Variants in CLSTN2 observed in about 807,000 individuals in gnomAD.
The protein encoded by CLSTN2 is calsyntenin 2.
CLSTN2 carries 48 observed loss-of-function variants against 101.2 expected under a neutral mutation model. The observed-to-expected ratio is 0.47, with a 90% CI of 0.38 to 0.60. The LOEUF (loss-of-function observed/expected upper bound fraction) is 0.60. Among genes scored for constraint, CLSTN2 ranks in the 20% least tolerant of loss-of-function variants. The probability of loss-of-function intolerance (pLI) is 0.00; values close to 1 mark genes in which losing one functional copy is unlikely to be tolerated. For missense variants in CLSTN2, 1,160 were observed against 1,238.2 expected (o/e 0.94, Z 0.95); for synonymous variants, 481 against 463.6 (o/e 1.04, Z -0.48).
intron 1 of CLSTN2, among the ~76,000 whole-genome samples, chr3:140,151,464 A>G (rs1259259949): frequency 1.3e-5 from 2 of 152,024 alleles, no homozygotes; most frequent in Middle Eastern, 6.3e-3. Flanking sequence ...AGAGATTGCA[A>G]AATGAACAGC....
At chr3:140,164,663 A>G (rs558118463) in intron 1 of CLSTN2, among the ~76,000 whole-genome samples, 10 of 152,318 alleles carry the variant, frequency 6.6e-5, no homozygotes, top group Non-Finnish European at 1.3e-4. Flanking sequence ...TGACTTGTGT[A>G]GAGACAACTT....
intron 1 of CLSTN2, among the ~76,000 whole-genome samples, chr3:139,955,769 G>T (rs1229948877): frequency 6.6e-6 from 1 of 152,158 alleles, no homozygotes; most frequent in African/African-American, 2.4e-5. Context: ...TAGCTACAGT[G>T]GTCTCTATGC....
intron 1 of CLSTN2, among the ~76,000 whole-genome samples, chr3:140,147,050 AAATGGATGGATG>A (rs1233408210): frequency 6.6e-6 from 1 of 152,358 alleles, no homozygotes; most frequent in South Asian, 2.1e-4. Flanking sequence ...GTGAATGAAT[AAATGGATGGATG>A]AATGGATGAG....
chr3:140,035,365 A>G (rs1267926957), intron 1 of CLSTN2, among the ~76,000 whole-genome samples: 1 of 152,264 alleles, frequency 6.6e-6, no homozygotes, highest in Non-Finnish European at 1.5e-5. Flanking sequence ...CACATAGGGC[A>G]GTAGGAAGTG....
chr3:140,257,561 G>T lies in CLSTN2; in HGVS notation c.232+81488G>T, dbSNP rs80229483. Among the ~76,000 whole-genome samples, 321 of 93,048 alleles carry T rather than the reference G, an allele frequency of 3.4e-3. 3 individuals are homozygous for T. Among genetic ancestry groups the T allele is most frequent in the African/African-American group, 8.1e-3 (165 of 20,296 alleles). The allele number at this position is 93,048 out of a possible 152,430, so 61.0% of individuals were successfully genotyped here. A position where few individuals can be genotyped will look rare whatever the true frequency, so the allele number is the denominator to read the frequency against. ...TATTCCCTGCCTATTTCTTTCTAGG[G>T]GTGTGTGTGTGTGTGTGTGTGTGTG... is the stretch of plus-strand genomic sequence containing the variant. On this transcript the variant is annotated intron_variant, in intron 2 of 16. Coordinates refer to ENST00000458420, the MANE Select transcript of CLSTN2 (RefSeq NM_022131.3).
intron 2 of CLSTN2, among the ~76,000 whole-genome samples, chr3:140,319,721 C>T (rs1034788015): frequency 4.6e-5 from 7 of 152,196 alleles, no homozygotes; most frequent in African/African-American, 1.7e-4. Context: ...GAGCATGTGC[C>T]TTAGCATGAC....
At chr3:140,502,403 C>T (rs1186300966) in intron 8 of CLSTN2, among the ~76,000 whole-genome samples, 1 of 152,176 alleles carries the variant, frequency 6.6e-6, no homozygotes, top group African/African-American at 2.4e-5. Flanking sequence ...TGAAGGCAAT[C>T]AGGAATTGAG....
intron 1 of CLSTN2, among the ~76,000 whole-genome samples, chr3:140,019,223 A>T (rs113620255): frequency 0.014 from 2,127 of 152,342 alleles, 49 homozygotes; most frequent in African/African-American, 0.044. Flanking sequence ...TGTGTCAAAC[A>T]TCATTTTGAA....
At chr3:139,983,928 T>A (rs1935979163) in intron 1 of CLSTN2, among the ~76,000 whole-genome samples, 1 of 152,240 alleles carries the variant, frequency 6.6e-6, no homozygotes, top group Non-Finnish European at 1.5e-5. Flanking sequence ...GGCTATATTA[T>A]TTCTTAATCA....
chr3:140,226,757 G>A (rs1192224991), intron 2 of CLSTN2, among the ~76,000 whole-genome samples: 1 of 152,182 alleles, frequency 6.6e-6, no homozygotes, highest in Non-Finnish European at 1.5e-5. Flanking sequence ...ACAGTTCCAT[G>A]TGGCTGGGGA....
chr3:140,416,010 G>C (rs2088427969), intron 4 of CLSTN2, among the ~76,000 whole-genome samples: 1 of 152,102 alleles, frequency 6.6e-6, no homozygotes. Context: ...ACATACAATG[G>C]AATATTACTC....
rs551260431 is a variant in CLSTN2 at position 140,574,271 on chromosome 3, C to G, written c.*8018C>G. On this transcript the variant is annotated 3_prime_UTR_variant, in exon 17 of 17. Coordinates refer to ENST00000458420, the MANE Select transcript of CLSTN2 (RefSeq NM_022131.3). ...TCGACGAGGGTGGAAGTGCAGTGAACAGAGGACAACATTTGTGATGCACGT... is the reference window on the plus strand; with the variant it reads ...TCGACGAGGGTGGAAGTGCAGTGAAGAGAGGACAACATTTGTGATGCACGT... 6.6e-6 allele frequency: 1 copy of G among 152,314 alleles called. No individual in the cohort carries two copies. The highest frequency in any genetic ancestry group is 1.9e-4 in the East Asian group (1 of 5,182). 9.4% of individuals were successfully genotyped at this position (152,314 alleles called of 1,614,324 possible).
rs1985370521 is a variant in CLSTN2, at chr3:140,568,358, TCA to T, written c.*2108_*2109del. 1 of 152,168 alleles carries T rather than the reference TCA, an allele frequency of 6.6e-6. No individual in the cohort carries two copies. The highest frequency in any genetic ancestry group is 6.5e-5 in the Admixed American group (1 of 15,286). 9.4% of individuals were successfully genotyped at this position (152,168 alleles called of 1,614,324 possible). ...AAGTCACAAGAGAAGAAGGATGCGG[TCA>T]CAAACTTAACCAGTGCTCTTATTTT... On this transcript the variant is annotated 3_prime_UTR_variant, in exon 17 of 17. Transcript: ENST00000458420.
intron 1 of CLSTN2, among the ~76,000 whole-genome samples, chr3:140,166,754 G>A (rs1203320730): frequency 6.6e-6 from 1 of 152,142 alleles, no homozygotes; most frequent in Admixed American, 6.5e-5. Flanking sequence ...CTCTGCATGA[G>A]TGCAAAGACA....
At chr3:139,945,140 T>C (rs1488858882) in intron 1 of CLSTN2, among the ~76,000 whole-genome samples, 1 of 152,234 alleles carries the variant, frequency 6.6e-6, no homozygotes, top group Non-Finnish European at 1.5e-5. Flanking sequence ...TGCTGTATTA[T>C]ATAGTTAGGT....
chr3:139,940,232 T>C (rs1220882867), intron 1 of CLSTN2, among the ~76,000 whole-genome samples: 1 of 152,218 alleles, frequency 6.6e-6, no homozygotes, highest in Non-Finnish European at 1.5e-5. Context: ...AGTGCTGTCA[T>C]TTCTTGACAT....
intron 1 of CLSTN2, among the ~76,000 whole-genome samples, chr3:140,086,709 G>A (rs773532140): frequency 1.3e-5 from 2 of 152,098 alleles, no homozygotes; most frequent in African/African-American, 2.4e-5. Context: ...AGTTCCCCTG[G>A]ATATCACTGT....
At chr3:140,157,552 G>A (rs1282314753) in intron 1 of CLSTN2, among the ~76,000 whole-genome samples, 1 of 152,144 alleles carries the variant, frequency 6.6e-6, no homozygotes, top group Non-Finnish European at 1.5e-5. Flanking sequence ...AGTCTCTGAG[G>A]ATCTTTGTAT....
chr3:140,123,865 T>A (rs1278903674), intron 1 of CLSTN2, among the ~76,000 whole-genome samples: 8 of 151,328 alleles, frequency 5.3e-5, no homozygotes, highest in Non-Finnish European at 1.0e-4. Context: ...TATATATATA[T>A]GTCTTCTATT....
Sources: allele counts gnomAD v4.1 joint callset (sites outside exome capture counted in the v4.1 genomes callset), GRCh38; gene constraint gnomAD v4.1.1; transcripts MANE v1.5; gene names NCBI Gene and HGNC (gene_info 2026-07-23, HGNC 2026-07-21).